Variants in DNAH5 observed in about 807,000 individuals in gnomAD.
The protein encoded by DNAH5 is dynein axonemal heavy chain 5, also known as axonemal beta dynein heavy chain 5.
DNAH5 carries 372 observed loss-of-function variants against 518.2 expected under a neutral mutation model. That is an observed-to-expected ratio of 0.72 (90% CI 0.66 to 0.78). The LOEUF is 0.78. Ranked by LOEUF, DNAH5 falls within the 30% of genes least tolerant of loss-of-function variation. The pLI is 0.00. For synonymous variants in DNAH5, 2,039 were observed against 2,025.9 expected (o/e 1.01, Z -0.17); for missense variants, 5,523 against 5,687.0 (o/e 0.97, Z 0.93).
intron 31 of DNAH5, 50 bp downstream of exon 31, chr5:13,850,602 T>A (rs1337147828): frequency 2.6e-6 from 4 of 1,555,604 alleles, no homozygotes; most frequent in South Asian, 1.1e-5. Flanking sequence ...TCTCCCTGTA[T>A]CCTTTTGTCT....
intron 21 of DNAH5, among the ~76,000 whole-genome samples, chr5:13,881,158 T>C (rs895894703): frequency 6.6e-6 from 1 of 151,968 alleles, no homozygotes; most frequent in African/African-American, 2.4e-5. Context: ...AAAGTAAATA[T>C]TAAGAGATCT....
upstream of DNAH5, among the ~76,000 whole-genome samples, chr5:13,946,996 C>T (rs188463392): frequency 9.3e-4 from 142 of 152,240 alleles, no homozygotes; most frequent in Non-Finnish European, 1.1e-3. Flanking sequence ...ATAATGCTGC[C>T]TATTCAACAT....
intron 1 of DNAH5, among the ~76,000 whole-genome samples, chr5:13,979,960 C>A (rs1388130246): frequency 6.6e-6 from 1 of 151,904 alleles, no homozygotes; most frequent in Non-Finnish European, 1.5e-5. Context: ...CTGCCTCAGC[C>A]TCCCGAGCAG....
chr5:13,777,272 A>G lies in DNAH5; in HGVS notation c.9035T>C (p.Ile3012Thr), dbSNP rs1463542641. ...AGQQGKGITF[I>T]FTDNEIKDES... ...ATCTTTAATCTCATTGTCTGTGAAA[A>G]TAAAAGTGATTCCTTTGCCTTGCTG... Residue 3012 changes from isoleucine to threonine, a missense_variant, in exon 54 of 79, where the codon ATT (isoleucine) becomes ACT (threonine). Coordinates refer to ENST00000265104, the MANE Select transcript of DNAH5 (RefSeq NM_001369.3). The G allele has an allele frequency of 1.2e-6, 2 of 1,613,382 alleles. No homozygotes were observed. Among genetic ancestry groups the G allele is most frequent in the African/African-American group, 2.7e-5 (2 of 75,020 alleles).
intron 1 of DNAH5, among the ~76,000 whole-genome samples, chr5:13,970,122 T>C (rs1461914137): frequency 6.6e-6 from 1 of 152,236 alleles, no homozygotes; most frequent in Non-Finnish European, 1.5e-5. Context: ...TCCTGCTCGC[T>C]TTTGGTGTTC....
Position 13,944,548 on chromosome 5 carries a change from T to C in DNAH5, c.-110A>G. 1 of 911,594 alleles carries C rather than the reference T, an allele frequency of 1.1e-6. No homozygotes were observed. The highest frequency in any genetic ancestry group is 1.8e-6 in the Non-Finnish European group (1 of 568,946). The allele number at this position is 911,594 out of a possible 1,614,324, so 56.5% of individuals were successfully genotyped here. A position where few individuals can be genotyped will look rare whatever the true frequency, so the allele number is the denominator to read the frequency against. ...TTCCAAATGGAAAGTTTTACTTCCA[T>C]TTTACTTTCACGTTTCTAATTTGCA... On this transcript the variant is annotated 5_prime_UTR_variant, in exon 1 of 79. The change abolishes an upstream ATG in the 5' untranslated region. Transcript: ENST00000265104.
chr5:13,853,683 C>T (rs1215591635), intron 30 of DNAH5, among the ~76,000 whole-genome samples: 2 of 151,680 alleles, frequency 1.3e-5, no homozygotes, highest in Non-Finnish European at 2.9e-5. Context: ...CATAAATGAC[C>T]TGATGGAACT....
chr5:13,764,292 CAA>C (rs1378660075), intron 59 of DNAH5, among the ~76,000 whole-genome samples: 3 of 152,108 alleles, frequency 2.0e-5, no homozygotes, highest in Non-Finnish European at 4.4e-5. Flanking sequence ...TTCTGTTTAT[CAA>C]AAGACACCAT....
chr5:13,732,003 T>G (rs1195644737), intron 68 of DNAH5, among the ~76,000 whole-genome samples: 1 of 151,988 alleles, frequency 6.6e-6, no homozygotes, highest in Admixed American at 6.6e-5. Flanking sequence ...TGTATTGGCA[T>G]GAGCTTGTAG....
chr5:13,816,659 C>T (rs899662006), intron 42 of DNAH5, among the ~76,000 whole-genome samples: 12 of 151,518 alleles, frequency 7.9e-5, no homozygotes, highest in African/African-American at 1.7e-4. Context: ...GAATAAAATT[C>T]GATTTATTTC....
intron 45 of DNAH5, among the ~76,000 whole-genome samples, 178 bp downstream of exon 45, chr5:13,809,881 T>C (rs1024013203): frequency 7.2e-5 from 11 of 152,222 alleles, no homozygotes; most frequent in African/African-American, 2.4e-4. Context: ...GCATTTGAAA[T>C]ACAAAGTAGA....
chr5:13,978,024 A>T (rs1782394543), intron 1 of DNAH5, among the ~76,000 whole-genome samples: 1 of 152,190 alleles, frequency 6.6e-6, no homozygotes, highest in Non-Finnish European at 1.5e-5. Flanking sequence ...ACTCTGTGAG[A>T]GCTGAGTGGA....
chr5:14,005,786 A>C (rs1329834826), intron 1 of DNAH5, among the ~76,000 whole-genome samples: 4 of 152,234 alleles, frequency 2.6e-5, no homozygotes, highest in South Asian at 2.1e-4. Flanking sequence ...GCACACAGAT[A>C]ATTTTCTAGC....
Position 13,701,377 on chromosome 5 carries a change from G to T in DNAH5, c.13398C>A (p.Ser4466Arg), listed in dbSNP as rs1467639190. The T allele has an allele frequency of 9.9e-6, 16 of 1,613,750 alleles. No homozygotes were observed. Among genetic ancestry groups the T allele is most frequent in the Non-Finnish European group, 1.3e-5 (15 of 1,179,910 alleles). The change falls in exon 77 of 79, where the codon AGC becomes AGA. Residue 4466 changes from serine (S) to arginine (R), a missense_variant. By Grantham distance (110) the Ser-to-Arg change is moderately radical. Coordinates refer to ENST00000265104, the MANE Select transcript of DNAH5 (RefSeq NM_001369.3). ...FWFTELIERN[S>R]QFTSWVFNGR... ...CATTGAAAACCCACGAGGTAAACTG[G>T]CTGTTTCTTTCTATAAGTTCAGTAA...
At chr5:13,908,753 C>T (rs534026605) in intron 12 of DNAH5, among the ~76,000 whole-genome samples, 4 of 152,298 alleles carry the variant, frequency 2.6e-5, no homozygotes, top group East Asian at 1.9e-4. Flanking sequence ...AGTACCAGCA[C>T]GAACCCTAAA....
chr5:13,791,052 T>C (rs570864843), intron 50 of DNAH5, among the ~76,000 whole-genome samples: 1 of 152,224 alleles, frequency 6.6e-6, no homozygotes, highest in Non-Finnish European at 1.5e-5. Context: ...AACCTTCACG[T>C]GTACCCCCAA....
At chr5:13,951,809 C>T (rs1373827771) in intron 1 of DNAH5, among the ~76,000 whole-genome samples, 1 of 152,110 alleles carries the variant, frequency 6.6e-6, no homozygotes, top group African/African-American at 2.4e-5. Flanking sequence ...TTGCTGTTAT[C>T]ACAGCTGTGT....
At chr5:13,840,852 T>C in intron 34 of DNAH5, 54 bp downstream of exon 34, 1 of 1,397,036 alleles carries the variant, frequency 7.2e-7, no homozygotes, top group South Asian at 1.2e-5. Context: ...TAAATGCAGA[T>C]AGTGTCTAGA....
At chr5:13,961,386 G>A (rs2152046954) in intron 1 of DNAH5, among the ~76,000 whole-genome samples, 1 of 152,304 alleles carries the variant, frequency 6.6e-6, no homozygotes, top group Admixed American at 6.5e-5. Context: ...GCTCACGCCT[G>A]TAATCCCAGC....
Sources: gnomAD v4.1 joint callset for allele counts (sites outside exome capture counted in the v4.1 genomes callset) on GRCh38, gnomAD v4.1.1 for gene constraint, MANE v1.5 for transcripts, NCBI Gene and HGNC (gene_info 2026-07-23, HGNC 2026-07-21) for gene names.